The following ETNPPL variants were observed in gnomAD, a reference collection of about 807,000 sequenced individuals.
The protein encoded by ETNPPL is ethanolamine-phosphate phospho-lyase.
Under a neutral mutation model 55.5 loss-of-function variants are expected in ETNPPL, and 30 were observed. The observed-to-expected ratio is 0.54, with a 90% CI of 0.40 to 0.73. ETNPPL has a LOEUF of 0.73. Among genes scored for constraint, ETNPPL ranks in the 30% least tolerant of loss-of-function variants. ETNPPL has a pLI of 0.00. For synonymous variants in ETNPPL, 202 were observed against 207.2 expected (o/e 0.98, Z 0.21); for missense variants, 528 against 607.9 (o/e 0.87, Z 1.38).
In ETNPPL at chr4:108,742,312, A is replaced by C; in HGVS notation, c.*172T>G. ...GCTAGAGTCTGAACTAATAATCTTGACATGGTTTGATTATCACTTGGTTTA... is the reference window on the plus strand; with the variant it reads ...GCTAGAGTCTGAACTAATAATCTTGCCATGGTTTGATTATCACTTGGTTTA... On this transcript the variant is annotated 3_prime_UTR_variant, in exon 13 of 13. Transcript: ENST00000296486. The C allele has an allele frequency of 3.5e-6, 2 of 565,498 alleles. No homozygotes were observed. Among genetic ancestry groups the C allele is most frequent in the Non-Finnish European group, 6.1e-6 (2 of 327,560 alleles). The allele number at this position is 565,498 out of a possible 1,614,324, so 35.0% of individuals were successfully genotyped here. A position where few individuals can be genotyped will look rare whatever the true frequency, so the allele number is the denominator to read the frequency against.
chr4:108,756,803 G>A (rs1729226823), intron 3 of ETNPPL, among the ~76,000 whole-genome samples: 1 of 152,048 alleles, frequency 6.6e-6, no homozygotes, highest in South Asian at 2.1e-4. Context: ...TCCAGCCTGG[G>A]TAACAGACTG....
At chr4:108,759,621 A>T in intron 3 of ETNPPL, 128 bp downstream of exon 3, 1 of 872,728 alleles carries the variant, frequency 1.1e-6, no homozygotes, top group Non-Finnish European at 1.8e-6. Flanking sequence ...GTGATCACTT[A>T]GTGAATGGCA....
intron 6 of ETNPPL, 125 bp downstream of exon 6, chr4:108,752,770 C>G (rs1366127667): frequency 3.1e-6 from 2 of 646,576 alleles, no homozygotes; most frequent in Middle Eastern, 5.8e-4. Flanking sequence ...CAAGTGAAAA[C>G]GTAACTAGAG....
chr4:108,748,873 C>G (rs1728748358), intron 8 of ETNPPL, among the ~76,000 whole-genome samples: 1 of 151,924 alleles, frequency 6.6e-6, no homozygotes, highest in Non-Finnish European at 1.5e-5. Flanking sequence ...GATACACAAG[C>G]AGAAATACAA....
At position 108,762,975 on chromosome 4, in the gene ETNPPL, T is replaced by G; in HGVS notation, c.-77A>C. 6 of 1,453,232 alleles carry G rather than the reference T, an allele frequency of 4.1e-6. No homozygotes were observed. Among genetic ancestry groups the G allele is most frequent in the Non-Finnish European group, 5.8e-6 (6 of 1,040,888 alleles). The allele number at this position is 1,453,232 out of a possible 1,614,324, so 90.0% of individuals were successfully genotyped here. On this transcript the variant is annotated 5_prime_UTR_variant, in exon 1 of 13. Transcript: ENST00000296486. ...CTCCTACGCGAGCCTGGGACTGCCTTGGCGGCCCCGGCCGGCCTTCCTCCC... is the reference window on the plus strand; with the variant it reads ...CTCCTACGCGAGCCTGGGACTGCCTGGGCGGCCCCGGCCGGCCTTCCTCCC...
At chr4:108,753,786 AAGAAAGAAAGAAAGAAAGAAAAGAG>A (rs1560656433) in intron 5 of ETNPPL, among the ~76,000 whole-genome samples, 13 of 120,216 alleles carry the variant, frequency 1.1e-4, no homozygotes, top group East Asian at 5.7e-4. Context: ...GAAAGAAAGA[AAGAAAGAAAGAAAGAAAGAAAAGAG>A]AAGAAAAGAA....
rs1267592869 is a variant in ETNPPL, at chr4:108,742,589, T to C, written c.1395A>G (p.Glu465=). 6.2e-7 allele frequency: 1 copy of C among 1,614,112 alleles called. No individual in the cohort carries two copies. Among genetic ancestry groups the C allele is most frequent in the Non-Finnish European group, 8.5e-7 (1 of 1,180,006 alleles). ...KTKMLKEAHI[E]LLRDSTTDSK... is the part of the protein sequence containing the mutation. ...AGTCAGTGGTGCTGTCCCTAAGCAGTTCTATGTGGGCTTCTTTCAGCATCT... is the reference window on the plus strand; with the variant it reads ...AGTCAGTGGTGCTGTCCCTAAGCAGCTCTATGTGGGCTTCTTTCAGCATCT... The change falls in exon 13 of 13, where the codon GAA becomes GAG. Residue 465 remains glutamate, a synonymous_variant. Coordinates refer to ENST00000296486, the MANE Select transcript of ETNPPL (RefSeq NM_031279.4).
At chr4:108,749,567 T>A in intron 7 of ETNPPL, 104 bp from the exon 8 acceptor site, 1 of 800,912 alleles carries the variant, frequency 1.2e-6, no homozygotes, top group Non-Finnish European at 2.0e-6. Context: ...GTTGTTAACC[T>A]GAAGCCTTAA....
chr4:108,748,047 A>G lies in ETNPPL; in HGVS notation c.1040T>C (p.Leu347Pro). The change falls in exon 9 of 13, where the codon CTG becomes CCG. Residue 347 changes from leucine (L) to proline (P), a missense_variant. Coordinates refer to ENST00000296486, the MANE Select transcript of ETNPPL (RefSeq NM_031279.4). ...AGTGTGTTTAGCCTTCTGTTTTTTC[A>G]GTAACTCAGTGAGATAATTCCCTAC... Reference protein sequence around the residue: ...KRVGNYLTELLKKQKAKHTLI... With the variant: ...KRVGNYLTELPKKQKAKHTLI... 1.2e-6 allele frequency: 2 copies of G among 1,611,868 alleles called. No homozygotes were observed. The highest frequency in any genetic ancestry group is 1.7e-6 in the Non-Finnish European group (2 of 1,179,054).
intron 8 of ETNPPL, among the ~76,000 whole-genome samples, chr4:108,748,865 T>A (rs746910440): frequency 1.1e-4 from 16 of 152,200 alleles, no homozygotes; most frequent in Middle Eastern, 3.4e-3. Context: ...CAGGTAAAGA[T>A]ACACAAGCAG....
chr4:108,761,397 T>A (rs962293300), intron 1 of ETNPPL, among the ~76,000 whole-genome samples: 3 of 152,210 alleles, frequency 2.0e-5, no homozygotes, highest in Non-Finnish European at 2.9e-5. Context: ...TGATTTTTTT[T>A]AAGCATCATC....
Position 108,742,296 on chromosome 4 carries a change from T to C in ETNPPL, c.*188A>G. ...CTAAGAAAATTAACAGGCTAGAGTC[T>C]GAACTAATAATCTTGACATGGTTTG... On this transcript the variant is annotated 3_prime_UTR_variant, in exon 13 of 13. Coordinates refer to ENST00000296486, the MANE Select transcript of ETNPPL (RefSeq NM_031279.4). 4.0e-6 allele frequency: 2 copies of C among 506,138 alleles called. No homozygotes were observed. The highest frequency in any genetic ancestry group is 3.1e-5 in the South Asian group (1 of 32,132). The allele number at this position is 506,138 out of a possible 1,614,324, so 31.4% of individuals were successfully genotyped here. A position where few individuals can be genotyped will look rare whatever the true frequency, so the allele number is the denominator to read the frequency against.
Position 108,752,964 on chromosome 4 carries a change from T to C in ETNPPL, c.549A>G (p.Ala183=), listed in dbSNP as rs1728984283. 2 of 1,612,726 alleles carry C rather than the reference T, an allele frequency of 1.2e-6. No individual in the cohort carries two copies. Among genetic ancestry groups the C allele is most frequent in the African/African-American group, 2.7e-5 (2 of 74,880 alleles). ...CATCTGCATAAGCACTGGCTGAGTC[T>C]GCATGGTCTTCTCTATATTTTCCTC... is the stretch of plus-strand genomic sequence containing the variant. ...TYRGKYREDH[A]DSASAYADEV... The change falls in exon 6 of 13, where the codon GCA becomes GCG. Residue 183 remains alanine, a synonymous_variant. Coordinates refer to ENST00000296486, the MANE Select transcript of ETNPPL (RefSeq NM_031279.4).
chr4:108,757,535 G>C (rs994129738), intron 3 of ETNPPL, among the ~76,000 whole-genome samples: 2 of 152,136 alleles, frequency 1.3e-5, no homozygotes, highest in South Asian at 4.1e-4. Flanking sequence ...CAATTTGGTA[G>C]GCCAAGGCGG....
Position 108,746,813 on chromosome 4 carries a change from T to A in ETNPPL, c.1121A>T (p.Asp374Val). The A allele has an allele frequency of 6.2e-7, 1 of 1,613,808 alleles. No homozygotes were observed. The highest frequency in any genetic ancestry group is 8.5e-7 in the Non-Finnish European group (1 of 1,179,926). ...TGTGGCAGGGGTCCTTTTCAGATGG[T>A]CCTTCACTAAATCAATTCCAATAAA... ...GLFIGIDLVK[D>V]HLKRTPATAE... is the part of the protein sequence containing the mutation. The change falls in exon 10 of 13, where the codon GAC becomes GTC. Residue 374 changes from aspartate (D) to valine (V), a missense_variant. By Grantham distance (152) the Asp-to-Val change is radical. Transcript: ENST00000296486.
intron 4 of ETNPPL, 143 bp downstream of exon 4, chr4:108,756,275 T>C: frequency 1.7e-6 from 1 of 583,108 alleles, no homozygotes; most frequent in Non-Finnish European, 3.1e-6. Context: ...GATAGCTTAA[T>C]ACATAATTTT....
Position 108,753,026 on chromosome 4 carries a change from T to C in ETNPPL, c.502-15A>G. 4 of 1,442,098 alleles carry C rather than the reference T, an allele frequency of 2.8e-6. No individual in the cohort carries two copies. Among genetic ancestry groups the C allele is most frequent in the East Asian group, 2.3e-5 (1 of 43,414 alleles). The allele number at this position is 1,442,098 out of a possible 1,614,324, so 89.3% of individuals were successfully genotyped here. ...GGAGTTGGTGCCTGAAAACATCAAA[T>C]AATGCAGTTGCTTGTAATTTGCCTT... On this transcript the variant is annotated splice_polypyrimidine_tract_variant and intron_variant, in intron 5 of 12. Transcript: ENST00000296486.
At chr4:108,745,945 A>C (rs2125670710) in intron 11 of ETNPPL, among the ~76,000 whole-genome samples, 1 of 151,992 alleles carries the variant, frequency 6.6e-6, no homozygotes, top group Middle Eastern at 3.4e-3. Context: ...AAAAAAAAAA[A>C]AAAAACCACG....
At chr4:108,747,205 T>A (rs1367664587) in intron 9 of ETNPPL, among the ~76,000 whole-genome samples, 1 of 12,444 alleles carries the variant, frequency 8.0e-5, no homozygotes, top group African/African-American at 7.9e-4. Flanking sequence ...TATATATATA[T>A]ATAATATATA....
Sources: gnomAD v4.1 joint callset for allele counts (sites outside exome capture counted in the v4.1 genomes callset) on GRCh38, gnomAD v4.1.1 for gene constraint, MANE v1.5 for transcripts, NCBI Gene and HGNC (gene_info 2026-07-23, HGNC 2026-07-21) for gene names.